ADAM22: variants seen among roughly 807,000 people sequenced by gnomAD.
ADAM22 encodes the protein ADAM metallopeptidase domain 22, also known as disintegrin and metalloproteinase domain-containing protein 22.
Under a neutral mutation model 144.6 loss-of-function variants are expected in ADAM22, and 65 were observed. The observed-to-expected ratio is 0.45, with a 90% CI of 0.37 to 0.55. The LOEUF is 0.55. ADAM22 is among the 20% of genes least tolerant of loss of function. The pLI, the probability that ADAM22 is intolerant of heterozygous loss-of-function variation, is 0.00. For missense variants in ADAM22, 974 were observed against 1,184.9 expected (o/e 0.82, Z 2.61); for synonymous variants, 391 against 412.6 (o/e 0.95, Z 0.63).
At chr7:88,013,901 A>G (rs1003204859) in intron 3 of ADAM22, among the ~76,000 whole-genome samples, 6 of 152,226 alleles carry the variant, frequency 3.9e-5, no homozygotes, top group African/African-American at 1.4e-4. Context: ...AATTATAGGT[A>G]CTCAAAAATA....
At chr7:87,973,118 G>A (rs1462715849) in intron 2 of ADAM22, among the ~76,000 whole-genome samples, 1 of 152,180 alleles carries the variant, frequency 6.6e-6, no homozygotes, top group Non-Finnish European at 1.5e-5. Context: ...AAGAGCTTCT[G>A]CACAGCAAAA....
At chr7:88,085,172 T>A (rs1818095373) in intron 4 of ADAM22, among the ~76,000 whole-genome samples, 1 of 152,158 alleles carries the variant, frequency 6.6e-6, no homozygotes, top group Non-Finnish European at 1.5e-5. Flanking sequence ...GCCCTGTAAG[T>A]TTTTTTGTTT....
chr7:88,088,970 A>G (rs1294387872), intron 4 of ADAM22, among the ~76,000 whole-genome samples: 2 of 151,802 alleles, frequency 1.3e-5, no homozygotes, highest in Non-Finnish European at 2.9e-5. Flanking sequence ...TAATGACAGT[A>G]CTTATACTTA....
intron 24 of ADAM22, among the ~76,000 whole-genome samples, chr7:88,167,290 G>T (rs2129531604): frequency 6.6e-6 from 1 of 152,238 alleles, no homozygotes; most frequent in African/African-American, 2.4e-5. Flanking sequence ...GCCTCATTCA[G>T]ATCAGCCTTT....
chr7:88,163,835 A>G lies in ADAM22; in HGVS notation c.2076+655A>G, dbSNP rs184334929. ...TAGGGATAAAGTTTTGTCAGTTTCA[A>G]TTAGGAATTCCTATACCATCAAAAA... On this transcript the variant is annotated intron_variant, in intron 23 of 31. Transcript: ENST00000413139. 1.5e-3 allele frequency among the ~76,000 whole-genome samples: 233 copies of G among 152,216 alleles called. 2 individuals are homozygous for G. Among genetic ancestry groups the G allele is most frequent in the African/African-American group, 5.0e-3 (209 of 41,568 alleles).
intron 3 of ADAM22, among the ~76,000 whole-genome samples, chr7:88,055,390 C>A (rs1160033475): frequency 6.7e-6 from 1 of 149,816 alleles, no homozygotes; most frequent in Admixed American, 6.6e-5. Context: ...CTTTTTTTTT[C>A]TTTCTTTTTG....
At chr7:88,185,615 G>A (rs1483302358) in intron 29 of ADAM22, among the ~76,000 whole-genome samples, 9 of 152,180 alleles carry the variant, frequency 5.9e-5, no homozygotes, top group Non-Finnish European at 1.0e-4. Context: ...TATGGAATTT[G>A]TTAAATCTAC....
intron 3 of ADAM22, among the ~76,000 whole-genome samples, chr7:87,986,224 G>C (rs566465217): frequency 3.2e-4 from 49 of 152,188 alleles, no homozygotes; most frequent in African/African-American, 1.2e-3. Context: ...TTTCTTGTTT[G>C]TTCTAAGTTG....
At position 87,948,706 on chromosome 7, in the gene ADAM22, A is replaced by G. The variant is rs576580364; in HGVS notation, c.246+13520A>G. On this transcript the variant is annotated intron_variant, in intron 2 of 31. Transcript: ENST00000413139. ...GACCAGGCATTTTTATAGGTATTCT[A>G]AAAGTAAAATTTGCCTCATAGGCTT... 7.0e-4 allele frequency among the ~76,000 whole-genome samples: 107 copies of G among 152,314 alleles called. 1 individual carries two copies. In the South Asian group the frequency reaches 0.021, roughly 29 times the overall value.
At chr7:87,944,758 T>C (rs563732853) in intron 2 of ADAM22, among the ~76,000 whole-genome samples, 1 of 152,154 alleles carries the variant, frequency 6.6e-6, no homozygotes, top group East Asian at 1.9e-4. Context: ...CTGAAGCACT[T>C]TCTGAGTTTC....
chr7:88,029,700 T>G (rs1275659884), intron 3 of ADAM22, among the ~76,000 whole-genome samples: 1 of 152,168 alleles, frequency 6.6e-6, no homozygotes, highest in Non-Finnish European at 1.5e-5. Flanking sequence ...TCTGGGAATG[T>G]CTTTATTTCT....
Position 87,982,799 on chromosome 7 carries a change from A to G in ADAM22, c.323+4387A>G, listed in dbSNP as rs1853997738. On this transcript the variant is annotated intron_variant, in intron 3 of 31. Coordinates refer to ENST00000413139, the MANE Select transcript of ADAM22 (RefSeq NM_001324418.2). ...AATCTCTGCCTCCTGGGTTCAAGTG[A>G]TTCTCCTGCCTGAGCCTCCCGAGTA... 1.3e-5 allele frequency among the ~76,000 whole-genome samples: 2 copies of G among 148,272 alleles called. 1 individual carries two copies. Among genetic ancestry groups the G allele is most frequent in the African/African-American group, 5.0e-5 (2 of 40,100 alleles).
intron 2 of ADAM22, among the ~76,000 whole-genome samples, chr7:87,970,681 TGAG>T (rs1002782907): frequency 2.0e-5 from 3 of 152,138 alleles, no homozygotes; most frequent in Non-Finnish European, 4.4e-5. Context: ...CTAGAAGATA[TGAG>T]GAGAAGAGGA....
chr7:88,000,034 A>G lies in ADAM22; in HGVS notation c.323+21622A>G, dbSNP rs574975580. 5.3e-5 allele frequency among the ~76,000 whole-genome samples: 8 copies of G among 152,246 alleles called. 2 individuals are homozygous for G. The South Asian group carries it at 1.7e-3, about 32-fold the overall frequency. On this transcript the variant is annotated intron_variant, in intron 3 of 31. Transcript: ENST00000413139. The stretch of plus-strand genomic sequence containing the variant: ...TTGCCATAAAATTCCATCTCTCAAA[A>G]TGACAGAGTTTACCAATATGACATT...
intron 3 of ADAM22, among the ~76,000 whole-genome samples, chr7:88,010,288 T>C (rs1563015662): frequency 6.6e-6 from 1 of 152,192 alleles, no homozygotes; most frequent in Non-Finnish European, 1.5e-5. Flanking sequence ...GAAATGGTTG[T>C]TTATGAATTT....
intron 3 of ADAM22, among the ~76,000 whole-genome samples, chr7:87,991,808 A>G (rs1290507848): frequency 6.6e-6 from 1 of 152,262 alleles, no homozygotes; most frequent in Non-Finnish European, 1.5e-5. Flanking sequence ...TATTTTTAGA[A>G]TGCCATGGTA....
chr7:88,009,953 C>T (rs561688363), intron 3 of ADAM22, among the ~76,000 whole-genome samples: 4 of 152,226 alleles, frequency 2.6e-5, no homozygotes, highest in East Asian at 3.9e-4. Context: ...TAAGTGTTTC[C>T]GTAACTCTAC....
chr7:88,003,975 C>G (rs1215529558), intron 3 of ADAM22, among the ~76,000 whole-genome samples: 1 of 152,174 alleles, frequency 6.6e-6, no homozygotes, highest in Non-Finnish European at 1.5e-5. Flanking sequence ...CCTGACTCTG[C>G]AGAACAGTTA....
intron 23 of ADAM22, among the ~76,000 whole-genome samples, chr7:88,165,599 A>G (rs1233006087): frequency 6.6e-6 from 1 of 152,018 alleles, no homozygotes; most frequent in African/African-American, 2.4e-5. Context: ...TTAGATGTAG[A>G]TCAATTTCTC....
Sources: gnomAD v4.1 joint callset for allele counts (sites outside exome capture counted in the v4.1 genomes callset) on GRCh38, gnomAD v4.1.1 for gene constraint, MANE v1.5 for transcripts, NCBI Gene and HGNC (gene_info 2026-07-23, HGNC 2026-07-21) for gene names.